The following ZBTB20 variants were observed in gnomAD, a reference collection of about 807,000 sequenced individuals.
The protein encoded by ZBTB20 is zinc finger and BTB domain-containing protein 20.
ZBTB20 carries 9 observed loss-of-function variants against 56.9 expected under a neutral mutation model. That is an observed-to-expected ratio of 0.16 (90% CI 0.10 to 0.28). The LOEUF is 0.28. ZBTB20 is among the 10% of genes least tolerant of loss of function. The probability of loss-of-function intolerance (pLI) is 1.00; values close to 1 mark genes in which losing one functional copy is unlikely to be tolerated. For synonymous variants in ZBTB20, 417 were observed against 420.7 expected (o/e 0.99, Z 0.11); for missense variants, 655 against 1,003.0 (o/e 0.65, Z 4.69).
chr3:114,523,572 G>A (rs994902672), intron 6 of ZBTB20, among the ~76,000 whole-genome samples: 3 of 152,224 alleles, frequency 2.0e-5, no homozygotes, highest in South Asian at 2.1e-4. Flanking sequence ...CACTGTTTAT[G>A]CATGTGCAAG....
chr3:114,531,313 G>A (rs186284275), intron 6 of ZBTB20, among the ~76,000 whole-genome samples: 302 of 152,160 alleles, frequency 2.0e-3, no homozygotes, highest in Admixed American at 4.0e-3. Context: ...TCTAAATCCT[G>A]TAGTGCTTTT....
At chr3:115,111,247 T>A (rs2083874722) in intron 1 of ZBTB20, among the ~76,000 whole-genome samples, 1 of 151,988 alleles carries the variant, frequency 6.6e-6, no homozygotes, top group Non-Finnish European at 1.5e-5. Flanking sequence ...TCAAACAGTA[T>A]CTCACCAGTT....
chr3:115,100,898 T>C (rs1000600068), intron 1 of ZBTB20, among the ~76,000 whole-genome samples: 3 of 152,148 alleles, frequency 2.0e-5, no homozygotes, highest in African/African-American at 4.8e-5. Context: ...CTCCATACAA[T>C]AGGAAAACTG....
intron 1 of ZBTB20, among the ~76,000 whole-genome samples, chr3:115,114,834 A>G (rs1390923519): frequency 1.3e-5 from 2 of 152,142 alleles, no homozygotes. Flanking sequence ...TTATTTTTCA[A>G]AAATATACAT....
At chr3:114,748,600 A>G (rs903238603) in intron 5 of ZBTB20, among the ~76,000 whole-genome samples, 2 of 152,006 alleles carry the variant, frequency 1.3e-5, no homozygotes, top group East Asian at 3.9e-4. Context: ...TTGGGGTGCA[A>G]TCTGGTGAAC....
intron 6 of ZBTB20, among the ~76,000 whole-genome samples, chr3:114,554,191 G>T (rs1433817811): frequency 6.6e-6 from 1 of 152,140 alleles, no homozygotes; most frequent in Non-Finnish European, 1.5e-5. Context: ...TCTCACTAGA[G>T]TGTCTTTCTA....
At chr3:114,603,372 C>G (rs919995697) in intron 6 of ZBTB20, among the ~76,000 whole-genome samples, 2 of 151,936 alleles carry the variant, frequency 1.3e-5, no homozygotes, top group Non-Finnish European at 2.9e-5. Context: ...TCCTCAGATC[C>G]TCTTTTACCC....
At position 114,947,620 on chromosome 3, in the gene ZBTB20, G is replaced by C. The variant is rs2076927455; in HGVS notation, c.-456+26746C>G. On this transcript the variant is annotated intron_variant, in intron 3 of 11. Coordinates refer to ENST00000675478, the MANE Select transcript of ZBTB20 (RefSeq NM_001348800.3). The stretch of plus-strand genomic sequence containing the variant: ...TACCTAATGTGTACACATTGACATA[G>C]AGGGTGGAATGATAAACAATGGAGA... Among the ~76,000 whole-genome samples, 3 of 145,640 alleles carry C rather than the reference G, an allele frequency of 2.1e-5. 1 individual carries two copies. Among genetic ancestry groups the C allele is most frequent in the Admixed American group, 2.0e-4 (3 of 15,104 alleles).
chr3:114,757,033 A>G (rs1476320370), intron 5 of ZBTB20, among the ~76,000 whole-genome samples: 2 of 152,114 alleles, frequency 1.3e-5, no homozygotes, highest in Non-Finnish European at 2.9e-5. Context: ...TCATACTTTC[A>G]TTACATCACA....
chr3:114,739,559 G>A (rs752317475), intron 5 of ZBTB20, among the ~76,000 whole-genome samples: 21 of 152,144 alleles, frequency 1.4e-4, no homozygotes, highest in Non-Finnish European at 2.6e-4. Context: ...CCAACATTTG[G>A]AACAAGAGAA....
At position 114,324,488 on chromosome 3, in the gene ZBTB20, T is replaced by C. The variant is rs2078998752; in HGVS notation, c.*14517A>G. ...ATCACTTTTTCCCTCACCTCATTAGTCTCCTATTCTTTTTTTTTTCTGACT... is the reference window on the plus strand; with the variant it reads ...ATCACTTTTTCCCTCACCTCATTAGCCTCCTATTCTTTTTTTTTTCTGACT... On this transcript the variant is annotated 3_prime_UTR_variant, in exon 12 of 12. Transcript: ENST00000675478. 1 of 151,842 alleles carries C rather than the reference T, an allele frequency of 6.6e-6. No individual in the cohort carries two copies. The highest frequency in any genetic ancestry group is 2.4e-5 in the African/African-American group (1 of 41,358). 9.4% of individuals were successfully genotyped at this position (151,842 alleles called of 1,614,324 possible). A position where few individuals can be genotyped will look rare whatever the true frequency, so the allele number is the denominator to read the frequency against.
In ZBTB20 at chr3:115,016,634, C is replaced by T. The variant is rs577991435; in HGVS notation, c.-506-42218G>A. Among the ~76,000 whole-genome samples the T allele has an allele frequency of 4.0e-5, 6 of 151,644 alleles. No individual in the cohort carries two copies. The East Asian group carries it at 1.2e-3, about 30-fold the overall frequency. ...TCAGATGGTTGTAGGCATGTGGTCT[C>T]ATTTCTGAGTTCTCTATTCTGTTCC... On this transcript the variant is annotated intron_variant, in intron 2 of 11. Transcript: ENST00000675478.
chr3:115,110,845 C>T (rs565837224), intron 1 of ZBTB20, among the ~76,000 whole-genome samples: 7 of 151,996 alleles, frequency 4.6e-5, no homozygotes, highest in Non-Finnish European at 1.0e-4. Context: ...AAAAATTATC[C>T]GGGCTAGGTG....
intron 2 of ZBTB20, among the ~76,000 whole-genome samples, chr3:115,051,768 A>G (rs1314150583): frequency 6.6e-6 from 1 of 152,174 alleles, no homozygotes; most frequent in African/African-American, 2.4e-5. Flanking sequence ...CTAAAGAACT[A>G]CCTCTGATTG....
At chr3:115,046,355 T>A (rs1047351184) in intron 2 of ZBTB20, among the ~76,000 whole-genome samples, 3 of 152,284 alleles carry the variant, frequency 2.0e-5, no homozygotes, top group Middle Eastern at 3.4e-3. Flanking sequence ...AAAGTCTTCA[T>A]GTTTTGCACC....
chr3:114,634,788 A>G (rs1281526154), intron 6 of ZBTB20, among the ~76,000 whole-genome samples: 1 of 152,218 alleles, frequency 6.6e-6, no homozygotes, highest in Non-Finnish European at 1.5e-5. Context: ...TGTGCCACAG[A>G]AAGTGAGATT....
chr3:114,977,166 C>T (rs1409522200), intron 2 of ZBTB20, among the ~76,000 whole-genome samples: 1 of 152,208 alleles, frequency 6.6e-6, no homozygotes, highest in Non-Finnish European at 1.5e-5. Context: ...ATCAGATTAA[C>T]ACATTTTTCC....
At chr3:114,462,546 C>G (rs1167319440) in intron 7 of ZBTB20, among the ~76,000 whole-genome samples, 2 of 152,260 alleles carry the variant, frequency 1.3e-5, no homozygotes, top group Non-Finnish European at 1.5e-5. Context: ...CATTTCCATA[C>G]CATATTCTCA....
Position 114,899,800 on chromosome 3 carries a change from C to T in ZBTB20, c.-417+504G>A, listed in dbSNP as rs1182484352. On this transcript the variant is annotated intron_variant, in intron 4 of 11. Coordinates refer to ENST00000675478, the MANE Select transcript of ZBTB20 (RefSeq NM_001348800.3). ...TGCCTGTTGCCCAGGAACCACAACA[C>T]TGCATGGTTGAGATTTTAAACAGGT... is the stretch of plus-strand genomic sequence containing the variant. 2.0e-5 allele frequency among the ~76,000 whole-genome samples: 3 copies of T among 152,172 alleles called. No individual in the cohort carries two copies. In the East Asian group the frequency reaches 5.8e-4, roughly 29 times the overall value.
Sources: gnomAD v4.1 joint callset for allele counts (sites outside exome capture counted in the v4.1 genomes callset) on GRCh38, gnomAD v4.1.1 for gene constraint, MANE v1.5 for transcripts, NCBI Gene and HGNC (gene_info 2026-07-23, HGNC 2026-07-21) for gene names.